BCCIP: variants seen among roughly 807,000 people sequenced by gnomAD.
BCCIP encodes BRCA2 and CDKN1A interacting protein, also known as BRCA2 and CDKN1A-interacting protein.
In BCCIP, 23 loss-of-function variants were observed where a neutral mutation model predicts 32.8. The observed-to-expected ratio is 0.70, with a 90% CI of 0.51 to 0.99. The LOEUF (loss-of-function observed/expected upper bound fraction) is 0.99, where lower values mean the gene tolerates loss of function less well. Ranked by LOEUF, BCCIP falls within the 50% of genes least tolerant of loss-of-function variation. The probability of loss-of-function intolerance (pLI) is 0.00; values close to 1 mark genes in which losing one functional copy is unlikely to be tolerated. For synonymous variants in BCCIP, 144 were observed against 137.6 expected, an observed-to-expected ratio of 1.05 and a Z score of -0.33; for missense variants, 378 against 379.8, an observed-to-expected ratio of 1.00 and a Z score of 0.04.
At chr10:125,838,080 G>A, downstream of BCCIP, 1 of 867,506 alleles carries the variant, frequency 1.2e-6, no homozygotes, top group Non-Finnish European at 1.7e-6. Flanking sequence ...AGTAGGTACT[G>A]TCAACGTAAA....
downstream of BCCIP, among the ~76,000 whole-genome samples, chr10:125,840,143 C>T (rs549670447): frequency 3.3e-5 from 5 of 152,206 alleles, no homozygotes; most frequent in African/African-American, 1.2e-4. Context: ...TTACTGGCTG[C>T]CCTTTATGGG....
At chr10:125,853,076 C>G in intron 7 of BCCIP, 1 of 1,340,340 alleles carries the variant, frequency 7.5e-7, no homozygotes. Context: ...CCAATCATAA[C>G]AGCTAATACA....
downstream of BCCIP, among the ~76,000 whole-genome samples, chr10:125,840,394 CAG>C (rs546438381): frequency 3.3e-5 from 5 of 152,248 alleles, no homozygotes; most frequent in Non-Finnish European, 7.3e-5. Flanking sequence ...CTCAGCACCC[CAG>C]CCTACCTATT....
At chr10:125,849,469 C>T (rs974399399) in intron 7 of BCCIP, among the ~76,000 whole-genome samples, 1 of 152,328 alleles carries the variant, frequency 6.6e-6, no homozygotes, top group South Asian at 2.1e-4. Context: ...ATGTTTGCGT[C>T]TCTTTTTCAC....
chr10:125,847,480 C>G (rs1425783847), downstream of BCCIP, among the ~76,000 whole-genome samples: 3 of 152,066 alleles, frequency 2.0e-5, no homozygotes, highest in African/African-American at 7.2e-5. Context: ...TAGGGAAGAA[C>G]AAAAAGAGCT....
intron 1 of BCCIP, among the ~76,000 whole-genome samples, chr10:125,825,264 ACAGAT>A (rs1854362619): frequency 1.0e-5 from 1 of 96,678 alleles, no homozygotes; most frequent in African/African-American, 3.6e-5. Flanking sequence ...AGGGTGCTGG[ACAGAT>A]AATCCATTTG....
chr10:125,823,861 G>T (rs1164023725), intron 1 of BCCIP, 139 bp downstream of exon 1: 1 of 1,292,644 alleles, frequency 7.7e-7, no homozygotes. Context: ...TCTTTCTCAG[G>T]TTTCTCCTCG....
intron 7 of BCCIP, chr10:125,853,051 C>A: frequency 9.1e-7 from 1 of 1,102,044 alleles, no homozygotes; most frequent in South Asian, 1.5e-5. Flanking sequence ...ACCTTTACAA[C>A]ACATACTGAG....
chr10:125,835,131 TCA>T (rs1417335969), intron 6 of BCCIP, among the ~76,000 whole-genome samples: 3 of 150,872 alleles, frequency 2.0e-5, no homozygotes, highest in Non-Finnish European at 4.4e-5. Flanking sequence ...AGACTCTGTC[TCA>T]GAAAAAAAAA....
At chr10:125,836,083 A>G (rs1276828847) in intron 6 of BCCIP, 21 bp from the exon 7 acceptor site, 1 of 1,590,950 alleles carries the variant, frequency 6.3e-7, no homozygotes, top group Non-Finnish European at 8.6e-7. Flanking sequence ...TTTTTAATTC[A>G]TGGTTACTTA....
chr10:125,845,796 C>T (rs1259909149), downstream of BCCIP, among the ~76,000 whole-genome samples: 1 of 152,250 alleles, frequency 6.6e-6, no homozygotes, highest in Non-Finnish European at 1.5e-5. Flanking sequence ...TGGCAGTATC[C>T]CCACTGCCCT....
intron 6 of BCCIP, among the ~76,000 whole-genome samples, chr10:125,834,334 C>T (rs976676214): frequency 1.5e-4 from 23 of 152,270 alleles, no homozygotes; most frequent in African/African-American, 3.1e-4. Context: ...AAATTACCTG[C>T]GATCACACAG....
At position 125,836,527 on chromosome 10, in the gene BCCIP, ACTT is replaced by A; in HGVS notation, c.*256_*258del. On this transcript the variant is annotated 3_prime_UTR_variant, in exon 7 of 7. Transcript: ENST00000278100. Reference sequence around the variant, plus strand: ...TAGTAATTTAAAGAACTCAATAAAAACTTCTATTTTTTATTTTAAAATAATATA... The same window carrying A: ...TAGTAATTTAAAGAACTCAATAAAAACTATTTTTTATTTTAAAATAATATA... The A allele has an allele frequency of 1.5e-6, 2 of 1,336,694 alleles. No individual in the cohort carries two copies. Among genetic ancestry groups the A allele is most frequent in the Admixed American group, 3.3e-5 (1 of 30,718 alleles). 82.8% of individuals were successfully genotyped at this position (1,336,694 alleles called of 1,614,324 possible). A position where few individuals can be genotyped will look rare whatever the true frequency, so the allele number is the denominator to read the frequency against.
chr10:125,838,340 A>T, downstream of BCCIP: 1 of 1,612,310 alleles, frequency 6.2e-7, no homozygotes, highest in East Asian at 2.2e-5. Flanking sequence ...CAACCTGCTT[A>T]TGTGTCAGCA....
chr10:125,833,652 G>C, intron 5 of BCCIP, 120 bp from the exon 6 acceptor site: 1 of 855,120 alleles, frequency 1.2e-6, no homozygotes, highest in Non-Finnish European at 1.9e-6. Flanking sequence ...TGTTCAGATT[G>C]AATGCCTGCG....
intron 3 of BCCIP, among the ~76,000 whole-genome samples, chr10:125,830,173 C>T (rs1854489893): frequency 6.6e-6 from 1 of 152,116 alleles, no homozygotes; most frequent in Non-Finnish European, 1.5e-5. Context: ...TTGGCTCCAG[C>T]CTAATTGTGT....
chr10:125,833,918 C>G lies in BCCIP; in HGVS notation c.746C>G (p.Ala249Gly). The change falls in exon 6 of 7, where the codon GCA (alanine) becomes GGA (glycine). Residue 249 changes from alanine to glycine, a missense_variant. Coordinates refer to ENST00000278100, the MANE Select transcript of BCCIP (RefSeq NM_078468.3). ...SNKKKAALMFANAEEEFFYEK... is the reference protein window; with the variant it reads ...SNKKKAALMFGNAEEEFFYEK... ...AAAAAGAAAGCTGCGTTAATGTTTGCAAATGCAGAGGAAGAATTTTTCTAT... is the reference window on the plus strand; with the variant it reads ...AAAAAGAAAGCTGCGTTAATGTTTGGAAATGCAGAGGAAGAATTTTTCTAT... 1 of 1,614,190 alleles carries G rather than the reference C, an allele frequency of 6.2e-7. No homozygotes were observed. Among genetic ancestry groups the G allele is most frequent in the Non-Finnish European group, 8.5e-7 (1 of 1,180,026 alleles).
intron 1 of BCCIP, 49 bp from the exon 2 acceptor site, chr10:125,826,542 A>G (rs764743241): frequency 3.1e-6 from 5 of 1,608,772 alleles, no homozygotes; most frequent in Non-Finnish European, 4.2e-6. Context: ...TTTAAAGTCT[A>G]GATGTTTGTA....
downstream of BCCIP, chr10:125,836,828 A>G (rs747897636): frequency 1.9e-6 from 3 of 1,614,082 alleles, no homozygotes; most frequent in African/African-American, 1.3e-5. Context: ...GATTACTGAA[A>G]TAGTATTGTG....
Sources: allele counts gnomAD v4.1 joint callset (sites outside exome capture counted in the v4.1 genomes callset), GRCh38; gene constraint gnomAD v4.1.1; transcripts MANE v1.5; gene names NCBI Gene and HGNC (gene_info 2026-07-23, HGNC 2026-07-21).